DHX8: variants seen among roughly 807,000 people sequenced by gnomAD.
The protein encoded by DHX8 is ATP-dependent RNA helicase DHX8.
In DHX8, 67 loss-of-function variants were observed where a neutral mutation model predicts 140.7. The ratio of observed to expected loss-of-function variants is 0.48; its 90% CI spans 0.39 to 0.58. The LOEUF (loss-of-function observed/expected upper bound fraction) is 0.58, where lower values mean the gene tolerates loss of function less well. Ranked by LOEUF, DHX8 falls within the 20% of genes least tolerant of loss-of-function variation. DHX8 has a pLI of 0.00. For synonymous variants in DHX8, 533 were observed against 553.2 expected, an observed-to-expected ratio of 0.96 and a Z score of 0.51; for missense variants, 887 against 1,550.7, an observed-to-expected ratio of 0.57 and a Z score of 7.19.
At chr17:43,494,092 G>A (rs1045916028) in intron 8 of DHX8, among the ~76,000 whole-genome samples, 1 of 152,336 alleles carries the variant, frequency 6.6e-6, no homozygotes, top group East Asian at 1.9e-4. Context: ...GGTTGGGGAG[G>A]CCTCACAATT....
In DHX8 at chr17:43,539,503, TC is replaced by T. The variant is rs199707652; in HGVS notation, c.*20+3007del. Among the ~76,000 whole-genome samples the T allele has an allele frequency of 2.5e-3, 381 of 152,330 alleles. 1 individual carries two copies. Among genetic ancestry groups the T allele is most frequent in the African/African-American group, 8.9e-3 (369 of 41,558 alleles). ...ACCTGTTTGTTATCTACCTATCTCC[TC>T]CACCAGGAAGTTAAGCTCTGTGAGG... On this transcript the variant is annotated intron_variant, in intron 3 of 3. Transcript: ENST00000589898.
chr17:43,536,227 T>C lies in DHX8; in HGVS notation c.351-185T>C. 1.1e-5 allele frequency: 7 copies of C among 629,744 alleles called. No homozygotes were observed. In the South Asian group the frequency reaches 1.3e-4, roughly 12 times the overall value. 39.0% of individuals were successfully genotyped at this position (629,744 alleles called of 1,614,324 possible). A position where few individuals can be genotyped will look rare whatever the true frequency, so the allele number is the denominator to read the frequency against. On this transcript the variant is annotated intron_variant, in intron 2 of 3. Coordinates refer to the DHX8 transcript ENST00000589898. Reference sequence around the variant, plus strand: ...GGAGAACCAGAGGGATAGTGTCTGCTCTAAGGTCACACAGCAAGAACATGT... The same window carrying C: ...GGAGAACCAGAGGGATAGTGTCTGCCCTAAGGTCACACAGCAAGAACATGT...
intron 12 of DHX8, 99 bp downstream of exon 12, chr17:43,504,924 A>C (rs1183949632): frequency 9.1e-6 from 10 of 1,100,970 alleles, no homozygotes; most frequent in Non-Finnish European, 1.3e-5. Context: ...GTATGTGCCT[A>C]CTTGAAGTGG....
downstream of DHX8, among the ~76,000 whole-genome samples, chr17:43,530,609 CGT>C (rs58803566): frequency 2.3e-3 from 279 of 119,054 alleles, 1 homozygote; most frequent in Non-Finnish European, 2.2e-3. Flanking sequence ...TGCACGCGCG[CGT>C]GTGTGTGTGT....
chr17:43,517,068 T>C, intron 17 of DHX8, 99 bp from the exon 18 acceptor site: 1 of 1,289,284 alleles, frequency 7.8e-7, no homozygotes, highest in East Asian at 2.6e-5. Flanking sequence ...ATTTCTGATT[T>C]TGCCAGTTGT....
At chr17:43,532,122 C>T (rs1414384457) in intron 2 of DHX8, among the ~76,000 whole-genome samples, 1 of 152,242 alleles carries the variant, frequency 6.6e-6, no homozygotes, top group Non-Finnish European at 1.5e-5. Context: ...CCATGGCCTC[C>T]TAAAGTGCTG....
chr17:43,528,676 G>C, downstream of DHX8: 7 of 1,614,184 alleles, frequency 4.3e-6, no homozygotes, highest in Non-Finnish European at 5.9e-6. Context: ...CTGATTGTCC[G>C]GGAAGGCCAA....
intron 16 of DHX8, among the ~76,000 whole-genome samples, chr17:43,512,185 G>A (rs1668657862): frequency 1.3e-5 from 2 of 151,768 alleles, no homozygotes; most frequent in East Asian, 1.9e-4. Context: ...TCAGGAGTTC[G>A]AGACCAGCCT....
chr17:43,511,322 A>G (rs1969813112), intron 16 of DHX8, among the ~76,000 whole-genome samples: 1 of 151,980 alleles, frequency 6.6e-6, no homozygotes, highest in African/African-American at 2.4e-5. Context: ...GAGCAAAACT[A>G]TCTCAAAAGG....
rs1260002835 is a variant in DHX8 at position 43,493,868 on chromosome 17, G to A, written c.1194G>A (p.Glu398=). The change falls in exon 8 of 23, where the codon GAG becomes GAA. Residue 398 remains glutamate, a synonymous_variant. Transcript: ENST00000262415. ...RKRLTRISDP[E]KWEIKQMIAA... Reference sequence around the variant, plus strand: ...GCCTCACCCGAATCTCTGACCCAGAGAAGTGGGAGATCAAACAGGTTGGGG... The same window carrying A: ...GCCTCACCCGAATCTCTGACCCAGAAAAGTGGGAGATCAAACAGGTTGGGG... 1.2e-6 allele frequency: 2 copies of A among 1,614,224 alleles called. No homozygotes were observed. The highest frequency in any genetic ancestry group is 1.7e-6 in the Non-Finnish European group (2 of 1,180,036).
At chr17:43,513,567 A>G in intron 17 of DHX8, 65 bp downstream of exon 17, 2 of 1,524,280 alleles carry the variant, frequency 1.3e-6, no homozygotes, top group East Asian at 2.3e-5. Context: ...AAACTTTTTT[A>G]TGGTTATATA....
At position 43,504,813 on chromosome 17, in the gene DHX8, G is replaced by A. The variant is rs1321675936; in HGVS notation, c.1716G>A (p.Glu572=). Residue 572 remains glutamate, a synonymous_variant, in exon 12 of 23, where the codon GAG becomes GAA. Coordinates refer to ENST00000262415, the MANE Select transcript of DHX8 (RefSeq NM_004941.3). ...RESLPIYKLK[E]QLVQAVHDNQ... is the part of the protein sequence containing the mutation. ...GCCTGCCCATCTACAAACTGAAGGA[G>A]CAATTGGTCCAGGTGAGAAGACTTT... 1.9e-6 allele frequency: 3 copies of A among 1,613,682 alleles called. No individual in the cohort carries two copies. Among genetic ancestry groups the A allele is most frequent in the Non-Finnish European group, 2.5e-6 (3 of 1,179,874 alleles).
chr17:43,523,689 G>A lies in DHX8; in HGVS notation c.3505G>A (p.Asp1169Asn), dbSNP rs768177863. The change falls in exon 23 of 23, where the codon GAC becomes AAC. Residue 1169 changes from aspartate to asparagine, a missense_variant. Coordinates refer to ENST00000262415, the MANE Select transcript of DHX8 (RefSeq NM_004941.3). The stretch of plus-strand genomic sequence containing the variant: ...ATACATGCGTGAAGTTACCACCATC[G>A]ACCCTCGGTGGCTTGTGGAGTTTGC... ...KEYMREVTTI[D>N]PRWLVEFAPA... The A allele has an allele frequency of 6.2e-6, 10 of 1,614,044 alleles. No homozygotes were observed. Among genetic ancestry groups the A allele is most frequent in the Admixed American group, 1.7e-5 (1 of 59,998 alleles).
intron 22 of DHX8, among the ~76,000 whole-genome samples, chr17:43,522,623 C>T (rs558944289): frequency 3.3e-5 from 5 of 151,896 alleles, no homozygotes; most frequent in African/African-American, 7.2e-5. Flanking sequence ...TGGCGCATGC[C>T]TGTAATCCCA....
chr17:43,507,618 C>T lies in DHX8; in HGVS notation c.2039C>T (p.Ala680Val), dbSNP rs768408928. The change falls in exon 14 of 23, where the codon GCG (alanine) becomes GTG (valine). Residue 680 changes from alanine to valine, a missense_variant. By Grantham distance (64) the Ala-to-Val change is moderately conservative. Coordinates refer to ENST00000262415, the MANE Select transcript of DHX8 (RefSeq NM_004941.3). Reference sequence around the variant, plus strand: ...ATTGACCCTGACCTCACTCAGTACGCGATCATCATGTTGGACGAGGCACAT... The same window carrying T: ...ATTGACCCTGACCTCACTCAGTACGTGATCATCATGTTGGACGAGGCACAT... ...CLIDPDLTQYAIIMLDEAHER... is the reference protein window; with the variant it reads ...CLIDPDLTQYVIIMLDEAHER... The T allele has an allele frequency of 2.4e-5, 39 of 1,614,002 alleles. No homozygotes were observed. The highest frequency in any genetic ancestry group is 3.1e-5 in the Non-Finnish European group (37 of 1,180,036).
Position 43,521,477 on chromosome 17 carries a change from A to C in DHX8, c.3175A>C (p.Asn1059His). The change falls in exon 21 of 23, where the codon AAC becomes CAC. Residue 1059 changes from asparagine to histidine, a missense_variant. Asn to His is a moderately conservative substitution (Grantham distance 68). This residue lies in a region of DHX8 where 101 missense variants were observed against 168.2 expected (regional missense o/e 0.60). Transcript: ENST00000262415. ...YNSWKNNKFS[N>H]PWCYENFIQA... Reference sequence around the variant, plus strand: ...CTCCTGGAAGAACAACAAGTTCTCCAACCCATGGTGCTATGAGAACTTTAT... The same window carrying C: ...CTCCTGGAAGAACAACAAGTTCTCCCACCCATGGTGCTATGAGAACTTTAT... 6.2e-7 allele frequency: 1 copy of C among 1,613,956 alleles called. No individual in the cohort carries two copies.
At chr17:43,517,350 G>T in intron 18 of DHX8, 28 bp downstream of exon 18, 1 of 1,610,318 alleles carries the variant, frequency 6.2e-7, no homozygotes, top group African/African-American at 1.3e-5. Flanking sequence ...GTTAAAATGG[G>T]TTGGTGGAAC....
chr17:43,509,105 C>T (rs568320991), intron 16 of DHX8, among the ~76,000 whole-genome samples: 3 of 152,198 alleles, frequency 2.0e-5, no homozygotes, highest in Non-Finnish European at 4.4e-5. Context: ...GAGAACAAGC[C>T]TCTATCTGCT....
At chr17:43,526,594 G>T, downstream of DHX8, 1 of 1,535,656 alleles carries the variant, frequency 6.5e-7, no homozygotes, top group South Asian at 1.2e-5. Flanking sequence ...CTGGTGACTT[G>T]TTAATGAACA....
Sources: gnomAD v4.1 joint callset for allele counts (sites outside exome capture counted in the v4.1 genomes callset) on GRCh38, gnomAD v4.1.1 for gene constraint, gnomAD v4.1.1 regional missense constraint, MANE v1.5 for transcripts, NCBI Gene and HGNC (gene_info 2026-07-23, HGNC 2026-07-21) for gene names.